CPQ: variants seen among roughly 807,000 people sequenced by gnomAD.
The protein encoded by CPQ is carboxypeptidase Q.
CPQ carries 37 observed loss-of-function variants against 45.7 expected under a neutral mutation model. That is an observed-to-expected ratio of 0.81 (90% CI 0.62 to 1.07). The LOEUF is 1.07. CPQ is among the 50% of genes least tolerant of loss of function. The pLI is 0.00. For missense variants in CPQ, 537 were observed against 572.9 expected (o/e 0.94, Z 0.64); for synonymous variants, 186 against 205.8 (o/e 0.90, Z 0.82).
intron 6 of CPQ, among the ~76,000 whole-genome samples, chr8:97,038,138 G>T (rs1810034560): frequency 6.6e-6 from 1 of 152,178 alleles, no homozygotes; most frequent in African/African-American, 2.4e-5. Flanking sequence ...TTTTAGCCCA[G>T]TACCTTTAAA....
At chr8:97,092,506 G>C (rs1021486972) in intron 7 of CPQ, 4 of 152,180 alleles carry the variant, frequency 2.6e-5, no homozygotes, top group Admixed American at 6.5e-5. Context: ...AGAGAAGCCA[G>C]AAATAAAGCC....
intron 7 of CPQ, among the ~76,000 whole-genome samples, chr8:97,118,077 T>G (rs939999516): frequency 2.0e-5 from 3 of 152,182 alleles, no homozygotes; most frequent in African/African-American, 7.2e-5. Context: ...CAGTTGGAAT[T>G]TGAAAATTAG....
intron 1 of CPQ, among the ~76,000 whole-genome samples, chr8:96,730,486 G>A (rs886691327): frequency 3.9e-5 from 6 of 152,026 alleles, no homozygotes; most frequent in Non-Finnish European, 7.4e-5. Context: ...GGTAAGACTT[G>A]GGAAGAAAAT....
At chr8:96,813,171 A>G (rs969101805) in intron 2 of CPQ, among the ~76,000 whole-genome samples, 1 of 152,130 alleles carries the variant, frequency 6.6e-6, no homozygotes, top group African/African-American at 2.4e-5. Flanking sequence ...CATAACTTTT[A>G]CCACTTCCTA....
At chr8:97,123,158 A>AAAATAAAATAAATAAAATAAAATAAAAT (rs1563587284) in intron 7 of CPQ, among the ~76,000 whole-genome samples, 1 of 120,574 alleles carries the variant, frequency 8.3e-6, no homozygotes, top group Admixed American at 8.9e-5. Context: ...TAAATAAAAT[A>AAAATAAAATAAATAAAATAAAATAAAAT]AAATAAAATA....
At position 97,143,222 on chromosome 8, in the gene CPQ, G is replaced by T. The variant is rs1812197670; in HGVS notation, c.*39G>T. 1 of 1,604,706 alleles carries T rather than the reference G, an allele frequency of 6.2e-7. No homozygotes were observed. Among genetic ancestry groups the T allele is most frequent in the Non-Finnish European group, 8.5e-7 (1 of 1,174,756 alleles). Reference sequence around the variant, plus strand: ...GAAACGTTTTCATGCTTCTGGCCAGGAATCCTGGGTCTGCAACTTTGGAAA... The same window carrying T: ...GAAACGTTTTCATGCTTCTGGCCAGTAATCCTGGGTCTGCAACTTTGGAAA... On this transcript the variant is annotated 3_prime_UTR_variant, in exon 8 of 8. Transcript: ENST00000220763.
In CPQ at chr8:96,685,362, C is replaced by T. The variant is rs190761460; in HGVS notation, c.-35+39960C>T. On this transcript the variant is annotated intron_variant, in intron 1 of 7. Coordinates refer to ENST00000220763, the MANE Select transcript of CPQ (RefSeq NM_016134.4). Reference sequence around the variant, plus strand: ...ATTTTTTAATGGTACTTTAAGGGTTCTTATGTTTAAATCTTTAATCTGTCT... The same window carrying T: ...ATTTTTTAATGGTACTTTAAGGGTTTTTATGTTTAAATCTTTAATCTGTCT... Among the ~76,000 whole-genome samples, 58 of 151,694 alleles carry T rather than the reference C, an allele frequency of 3.8e-4. 1 individual carries two copies. The East Asian group carries it at 9.9e-3, about 26-fold the overall frequency.
chr8:96,830,468 C>A (rs1586417910), intron 2 of CPQ, among the ~76,000 whole-genome samples: 1 of 152,022 alleles, frequency 6.6e-6, no homozygotes. Flanking sequence ...TAATTACACA[C>A]AGGTTAAGTG....
intron 2 of CPQ, among the ~76,000 whole-genome samples, chr8:96,812,289 T>TGTTTGGCACTGGGAA (rs1586410346): frequency 6.6e-6 from 1 of 152,156 alleles, no homozygotes; most frequent in East Asian, 1.9e-4. Context: ...TTATATGCCA[T>TGTTTGGCACTGGGAA]ACCAAAAATG....
At chr8:97,007,567 T>G (rs1809404647) in intron 5 of CPQ, among the ~76,000 whole-genome samples, 1 of 152,194 alleles carries the variant, frequency 6.6e-6, no homozygotes, top group Non-Finnish European at 1.5e-5. Flanking sequence ...AAAAATTCCT[T>G]ACTTACTCAA....
chr8:96,752,132 T>C (rs1033325836), intron 1 of CPQ, among the ~76,000 whole-genome samples: 1 of 152,188 alleles, frequency 6.6e-6, no homozygotes, highest in Non-Finnish European at 1.5e-5. Flanking sequence ...CTTTGTTCCA[T>C]ACAAGCTTTA....
intron 2 of CPQ, among the ~76,000 whole-genome samples, chr8:96,798,586 G>T (rs953610080): frequency 2.6e-5 from 4 of 151,956 alleles, no homozygotes; most frequent in African/African-American, 9.7e-5. Flanking sequence ...CCCTCAACAT[G>T]TGAGTACCCC....
chr8:96,667,161 T>C (rs759964770), intron 1 of CPQ, among the ~76,000 whole-genome samples: 3 of 152,118 alleles, frequency 2.0e-5, no homozygotes, highest in African/African-American at 4.8e-5. Flanking sequence ...ACATATTACA[T>C]GGGTGAGTGT....
In CPQ at chr8:96,859,219, C is replaced by G. The variant is rs114375508; in HGVS notation, c.642-20579C>G. On this transcript the variant is annotated intron_variant, in intron 3 of 7. Transcript: ENST00000220763. ...CTTTTTGTTCTCCCTATTTCAGAAG[C>G]ATGGCCCTCCAGGGCTTTTGATTGT... is the stretch of plus-strand genomic sequence containing the variant. Among the ~76,000 whole-genome samples the G allele has an allele frequency of 3.8e-3, 575 of 152,332 alleles. 3 individuals carry two copies. The highest frequency in any genetic ancestry group is 0.012 in the African/African-American group (519 of 41,570).
chr8:97,000,499 C>A (rs1311315540), intron 5 of CPQ, among the ~76,000 whole-genome samples: 2 of 152,088 alleles, frequency 1.3e-5, no homozygotes, highest in African/African-American at 4.8e-5. Context: ...AATAGGGAAA[C>A]CTTTCCCCAT....
chr8:96,834,089 CTT>C (rs1313497445), intron 2 of CPQ, among the ~76,000 whole-genome samples: 19 of 152,182 alleles, frequency 1.2e-4, no homozygotes, highest in Admixed American at 7.9e-4. Flanking sequence ...TGCATCTGGC[CTT>C]TGTTGCCAAA....
intron 3 of CPQ, among the ~76,000 whole-genome samples, chr8:96,837,679 C>G (rs1036298800): frequency 6.6e-6 from 1 of 152,152 alleles, no homozygotes; most frequent in African/African-American, 2.4e-5. Flanking sequence ...ACCCCTCTCT[C>G]CCATCCATAC....
intron 2 of CPQ, among the ~76,000 whole-genome samples, chr8:96,807,238 T>G (rs1384508362): frequency 6.6e-6 from 1 of 152,100 alleles, no homozygotes; most frequent in Non-Finnish European, 1.5e-5. Context: ...TTTTTAATTT[T>G]TATTTTTTAT....
chr8:96,794,887 A>C (rs1371164008), intron 2 of CPQ, among the ~76,000 whole-genome samples: 1 of 152,116 alleles, frequency 6.6e-6, no homozygotes, highest in Admixed American at 6.5e-5. Context: ...CAAGTTCCTC[A>C]TCTCCATCTG....
Sources: gnomAD v4.1 joint callset for allele counts (sites outside exome capture counted in the v4.1 genomes callset) on GRCh38, gnomAD v4.1.1 for gene constraint, MANE v1.5 for transcripts, NCBI Gene and HGNC (gene_info 2026-07-23, HGNC 2026-07-21) for gene names.